MAML2: variants seen among roughly 807,000 people sequenced by gnomAD.
MAML2 encodes mastermind like transcriptional coactivator 2.
Under a neutral mutation model 96.1 loss-of-function variants are expected in MAML2, and 22 were observed. That is an observed-to-expected ratio of 0.23 (90% CI 0.16 to 0.33). The LOEUF (loss-of-function observed/expected upper bound fraction) is 0.33, where lower values mean the gene tolerates loss of function less well. Ranked by LOEUF, MAML2 falls within the 10% of genes least tolerant of loss-of-function variation. MAML2 has a pLI of 1.00. For synonymous variants in MAML2, 561 were observed against 521.3 expected, an observed-to-expected ratio of 1.08 and a Z score of -1.04; for missense variants, 1,367 against 1,392.4, an observed-to-expected ratio of 0.98 and a Z score of 0.29.
intron 1 of MAML2, among the ~76,000 whole-genome samples, chr11:96,317,454 G>A (rs1295505510): frequency 6.6e-6 from 1 of 152,164 alleles, no homozygotes; most frequent in Non-Finnish European, 1.5e-5. Flanking sequence ...GGGAAATTAT[G>A]AGGGTATGTG....
intron 2 of MAML2, among the ~76,000 whole-genome samples, chr11:96,052,679 G>T (rs1022786333): frequency 6.6e-6 from 1 of 152,176 alleles, no homozygotes; most frequent in African/African-American, 2.4e-5. Flanking sequence ...TCTTTCCTGT[G>T]TATAGAGTCT....
chr11:96,281,208 T>C (rs1863059015), intron 1 of MAML2, among the ~76,000 whole-genome samples: 1 of 152,148 alleles, frequency 6.6e-6, no homozygotes, highest in Non-Finnish European at 1.5e-5. Context: ...CAGAAGAACA[T>C]GGGAGCTGTA....
intron 2 of MAML2, among the ~76,000 whole-genome samples, chr11:96,067,353 C>T (rs558716718): frequency 2.1e-4 from 32 of 152,316 alleles, no homozygotes; most frequent in African/African-American, 1.2e-4. Flanking sequence ...TGCCTTCTTC[C>T]GCCAACAGAG....
chr11:96,267,902 T>A (rs539849206), intron 1 of MAML2, among the ~76,000 whole-genome samples: 6 of 152,340 alleles, frequency 3.9e-5, no homozygotes, highest in African/African-American at 1.2e-4. Flanking sequence ...ACTTGCTATT[T>A]TCATGCACTG....
intron 2 of MAML2, among the ~76,000 whole-genome samples, chr11:96,084,456 T>G (rs1859575327): frequency 6.6e-6 from 1 of 152,160 alleles, no homozygotes. Flanking sequence ...TCCAAGGGCA[T>G]GTCCATCCAG....
At chr11:96,290,085 A>G (rs910262773) in intron 1 of MAML2, among the ~76,000 whole-genome samples, 7 of 152,144 alleles carry the variant, frequency 4.6e-5, no homozygotes, top group African/African-American at 4.8e-5. Flanking sequence ...ATCTTTGGAC[A>G]ATTTCTTCTT....
At chr11:96,009,113 G>A (rs77789363) in intron 2 of MAML2, among the ~76,000 whole-genome samples, 1 of 152,158 alleles carries the variant, frequency 6.6e-6, no homozygotes, top group South Asian at 2.1e-4. Flanking sequence ...ATTGTTAGAT[G>A]TAATATTAAT....
chr11:96,312,219 CAAA>C (rs34658278), intron 1 of MAML2, among the ~76,000 whole-genome samples: 38 of 51,556 alleles, frequency 7.4e-4, no homozygotes, highest in East Asian at 3.5e-3. Context: ...GACTCTATCT[CAAA>C]AAAAAAAAAA....
At chr11:96,314,110 G>A (rs1863594040) in intron 1 of MAML2, among the ~76,000 whole-genome samples, 2 of 152,202 alleles carry the variant, frequency 1.3e-5, no homozygotes, top group African/African-American at 4.8e-5. Context: ...AACTGAAGTA[G>A]CATTTTTCAA....
At chr11:96,240,225 T>A (rs181733806) in intron 1 of MAML2, among the ~76,000 whole-genome samples, 1 of 152,262 alleles carries the variant, frequency 6.6e-6, no homozygotes, top group Admixed American at 6.5e-5. Flanking sequence ...CTCCAGGTTT[T>A]TCCTGACATA....
At chr11:96,118,448 A>G (rs1159788719) in intron 1 of MAML2, among the ~76,000 whole-genome samples, 4 of 152,100 alleles carry the variant, frequency 2.6e-5, no homozygotes, top group Admixed American at 6.5e-5. Context: ...GCTTCCATTC[A>G]TGCCTTCTGC....
chr11:96,119,945 C>A (rs927219842), intron 1 of MAML2, among the ~76,000 whole-genome samples: 3 of 147,558 alleles, frequency 2.0e-5, no homozygotes, highest in Non-Finnish European at 3.0e-5. Context: ...TATATATTTG[C>A]GAGAAGATTC....
At chr11:96,240,750 A>G (rs1276546900) in intron 1 of MAML2, among the ~76,000 whole-genome samples, 2 of 151,156 alleles carry the variant, frequency 1.3e-5, no homozygotes. Flanking sequence ...CTTCCTACTA[A>G]ATGAAAACTG....
intron 1 of MAML2, among the ~76,000 whole-genome samples, chr11:96,238,191 C>A (rs1406768913): frequency 6.6e-6 from 1 of 152,200 alleles, no homozygotes; most frequent in Non-Finnish European, 1.5e-5. Context: ...GACAATAAAA[C>A]TGCCATTTAC....
intron 2 of MAML2, among the ~76,000 whole-genome samples, chr11:96,010,221 A>G (rs965364056): frequency 2.6e-5 from 4 of 152,252 alleles, no homozygotes; most frequent in Non-Finnish European, 5.9e-5. Context: ...ATATTTAAAC[A>G]TAGAAGCAAG....
chr11:96,216,378 C>T (rs1369527027), intron 1 of MAML2, among the ~76,000 whole-genome samples: 1 of 152,196 alleles, frequency 6.6e-6, no homozygotes, highest in African/African-American at 2.4e-5. Context: ...TTTAATGCCT[C>T]TCTTAAGTCC....
chr11:96,197,422 TGGGGGCTG>T (rs988599755), intron 1 of MAML2, among the ~76,000 whole-genome samples: 39 of 152,188 alleles, frequency 2.6e-4, no homozygotes, highest in African/African-American at 9.4e-4. Context: ...TCTGACTCTT[TGGGGGCTG>T]GGAGGCAATC....
At chr11:96,172,177 T>C (rs962814475) in intron 1 of MAML2, among the ~76,000 whole-genome samples, 2 of 152,214 alleles carry the variant, frequency 1.3e-5, no homozygotes, top group African/African-American at 4.8e-5. Flanking sequence ...TCAATAAATA[T>C]TTTTTGAATG....
chr11:96,317,833 TGAC>T (rs553669929), intron 1 of MAML2, among the ~76,000 whole-genome samples: 200 of 152,366 alleles, frequency 1.3e-3, no homozygotes, highest in African/African-American at 4.6e-3. Flanking sequence ...TGCTGACAGA[TGAC>T]TTATTTGCAG....
Sources: gnomAD v4.1 joint callset for allele counts (sites outside exome capture counted in the v4.1 genomes callset) on GRCh38, gnomAD v4.1.1 for gene constraint, MANE v1.5 for transcripts, NCBI Gene and HGNC (gene_info 2026-07-23, HGNC 2026-07-21) for gene names.